The following PRMT3 variants were observed in gnomAD, a reference collection of about 807,000 sequenced individuals.
PRMT3 encodes protein arginine N-methyltransferase 3.
A neutral mutation model predicts 71.9 loss-of-function variants in PRMT3; 62 were observed. The observed-to-expected ratio is 0.86, with a 90% CI of 0.70 to 1.07. The LOEUF (loss-of-function observed/expected upper bound fraction) is 1.07, where lower values mean the gene tolerates loss of function less well. Ranked by LOEUF, PRMT3 falls within the 50% of genes least tolerant of loss-of-function variation. The pLI, the probability that PRMT3 is intolerant of heterozygous loss-of-function variation, is 0.00. For missense variants in PRMT3, 663 were observed against 643.0 expected (o/e 1.03, Z -0.34); for synonymous variants, 213 against 220.4 (o/e 0.97, Z 0.30).
intron 9 of PRMT3, among the ~76,000 whole-genome samples, chr11:20,419,404 T>G (rs1849377277): frequency 6.6e-6 from 1 of 152,214 alleles, no homozygotes; most frequent in Non-Finnish European, 1.5e-5. Flanking sequence ...GGACTTGAAC[T>G]GTTGATAGGT....
At chr11:20,453,716 G>A (rs1256371395) in intron 11 of PRMT3, among the ~76,000 whole-genome samples, 2 of 152,042 alleles carry the variant, frequency 1.3e-5, no homozygotes, top group African/African-American at 2.4e-5. Context: ...AACTTTCTAT[G>A]ATTGCAGTGG....
At chr11:20,494,871 T>C (rs567543531) in intron 15 of PRMT3, among the ~76,000 whole-genome samples, 12 of 152,340 alleles carry the variant, frequency 7.9e-5, no homozygotes, top group Non-Finnish European at 8.8e-5. Context: ...AAAAATATTT[T>C]CTTTCTCCAA....
At chr11:20,484,968 C>A (rs1004980796) in intron 13 of PRMT3, among the ~76,000 whole-genome samples, 1 of 152,166 alleles carries the variant, frequency 6.6e-6, no homozygotes, top group East Asian at 1.9e-4. Flanking sequence ...TAGGCATTTA[C>A]CAATTCAGAG....
intron 9 of PRMT3, among the ~76,000 whole-genome samples, chr11:20,418,684 G>A (rs1849362427): frequency 1.3e-5 from 2 of 151,770 alleles, no homozygotes; most frequent in South Asian, 2.1e-4. Context: ...GTTTGTCATT[G>A]TTAAAGCCTT....
chr11:20,485,634 A>G (rs10766678), intron 13 of PRMT3, among the ~76,000 whole-genome samples: 39,473 of 152,070 alleles, frequency 0.26, 5,274 homozygotes, highest in South Asian at 0.38. Context: ...GAAAATGTCC[A>G]GAAAGAAGCC....
intron 15 of PRMT3, among the ~76,000 whole-genome samples, chr11:20,504,745 A>AGAGAGAGAGAGAGAGAGAGAGCGC (rs1491497481): frequency 1.4e-5 from 2 of 141,140 alleles, no homozygotes; most frequent in Admixed American, 7.0e-5. Context: ...AGAGAGAGAG[A>AGAGAGAGAGAGAGAGAGAGAGCGC]GCGAGAGCGA....
chr11:20,397,820 TG>T (rs2133305664), intron 7 of PRMT3, 99 bp downstream of exon 7: 7 of 1,284,452 alleles, frequency 5.4e-6, no homozygotes, highest in Non-Finnish European at 7.3e-6. Flanking sequence ...CTCTTTTTTT[TG>T]GGTGGGGAGA....
At position 20,389,820 on chromosome 11, in the gene PRMT3, A is replaced by G; in HGVS notation, c.241A>G (p.Lys81Glu). 6.2e-7 allele frequency: 1 copy of G among 1,606,466 alleles called. No individual in the cohort carries two copies. Reference sequence around the variant, plus strand: ...GTTTAATATTGACAGCATGGTTCATAAACATGGTGAGTAGTTTTTAGAATA... The same window carrying G: ...GTTTAATATTGACAGCATGGTTCATGAACATGGTGAGTAGTTTTTAGAATA... ...HQFNIDSMVHKHGLEFYGYIK... is the reference protein window; with the variant it reads ...HQFNIDSMVHEHGLEFYGYIK... Residue 81 changes from lysine to glutamate, a missense_variant, in exon 3 of 16, where the codon AAA becomes GAA. By Grantham distance (56) the Lys-to-Glu change is moderately conservative. Transcript: ENST00000331079.
At chr11:20,402,614 ATC>A (rs139705363) in intron 7 of PRMT3, among the ~76,000 whole-genome samples, 4,521 of 152,236 alleles carry the variant, frequency 0.03, 222 homozygotes, top group African/African-American at 0.1. Flanking sequence ...AAACATGTTC[ATC>A]TTTTATTAGC....
At position 20,408,045 on chromosome 11, in the gene PRMT3, T is replaced by C; in HGVS notation, c.893+13T>C. 7 of 1,493,538 alleles carry C rather than the reference T, an allele frequency of 4.7e-6. No homozygotes were observed. Among genetic ancestry groups the C allele is most frequent in the Non-Finnish European group, 6.3e-6 (7 of 1,102,422 alleles). The allele number at this position is 1,493,538 out of a possible 1,614,324, so 92.5% of individuals were successfully genotyped here. Reference sequence around the variant, plus strand: ...TGGATATTATAAGGTACATATATTTTAAGCCTTCATTTAAGATTATTTTAA... The same window carrying C: ...TGGATATTATAAGGTACATATATTTCAAGCCTTCATTTAAGATTATTTTAA... On this transcript the variant is annotated intron_variant, in intron 9 of 15. Transcript: ENST00000331079.
At chr11:20,404,257 CAG>C (rs1349422563) in intron 8 of PRMT3, among the ~76,000 whole-genome samples, 8 of 82,864 alleles carry the variant, frequency 9.7e-5, no homozygotes, top group Admixed American at 8.6e-4. Context: ...TTTTTTGAGA[CAG>C]AGTCTCGCTT....
intron 13 of PRMT3, among the ~76,000 whole-genome samples, chr11:20,493,160 A>G (rs763670192): frequency 2.0e-5 from 3 of 151,996 alleles, no homozygotes; most frequent in Non-Finnish European, 2.9e-5. Flanking sequence ...TTGTACTATC[A>G]CAATAACCCT....
intron 10 of PRMT3, among the ~76,000 whole-genome samples, chr11:20,446,770 G>A (rs1850039799): frequency 6.6e-6 from 1 of 152,116 alleles, no homozygotes; most frequent in South Asian, 2.1e-4. Context: ...TATATATACA[G>A]ATGCCAACAC....
intron 9 of PRMT3, among the ~76,000 whole-genome samples, chr11:20,415,304 G>A (rs1849280860): frequency 6.6e-6 from 1 of 152,068 alleles, no homozygotes; most frequent in Non-Finnish European, 1.5e-5. Flanking sequence ...TCCCTTCCTA[G>A]TATACCCCGA....
intron 15 of PRMT3, among the ~76,000 whole-genome samples, chr11:20,500,162 GCAT>G (rs1358313578): frequency 1.3e-5 from 2 of 152,086 alleles, no homozygotes; most frequent in Admixed American, 1.3e-4. Flanking sequence ...ATTTACAGCA[GCAT>G]CAAGAAAAAT....
At chr11:20,453,205 G>A (rs1420855588) in intron 11 of PRMT3, among the ~76,000 whole-genome samples, 2 of 151,730 alleles carry the variant, frequency 1.3e-5, no homozygotes, top group African/African-American at 4.8e-5. Context: ...GGCCGGCTGG[G>A]TGCAGTGGCT....
chr11:20,424,053 G>A (rs1012084870), intron 9 of PRMT3, among the ~76,000 whole-genome samples: 6 of 151,612 alleles, frequency 4.0e-5, no homozygotes, highest in Admixed American at 6.6e-5. Context: ...GTGTGGTGGC[G>A]GGCGCCTGTA....
chr11:20,489,961 A>G (rs1379925767), intron 13 of PRMT3, among the ~76,000 whole-genome samples: 2 of 149,736 alleles, frequency 1.3e-5, no homozygotes, highest in African/African-American at 4.9e-5. Context: ...AAAAGAAAAG[A>G]AAAAAAGGTA....
chr11:20,508,172 AAT>A, intron 15 of PRMT3, 130 bp from the exon 16 acceptor site: 7 of 489,394 alleles, frequency 1.4e-5, no homozygotes, highest in South Asian at 3.4e-5. Flanking sequence ...AAAAAAAAAG[AAT>A]ATTAACCTTA....
Sources: allele counts gnomAD v4.1 joint callset (sites outside exome capture counted in the v4.1 genomes callset), GRCh38; gene constraint gnomAD v4.1.1; transcripts MANE v1.5; gene names NCBI Gene and HGNC (gene_info 2026-07-23, HGNC 2026-07-21).